Variants in VPS35L observed in about 807,000 individuals in gnomAD.
VPS35L encodes VPS35 endosomal protein sorting factor like.
A neutral mutation model predicts 133.0 loss-of-function variants in VPS35L; 83 were observed. That is an observed-to-expected ratio of 0.62 (90% CI 0.52 to 0.75). The LOEUF is 0.75. Among genes scored for constraint, VPS35L ranks in the 30% least tolerant of loss-of-function variants. The pLI is 0.00. For missense variants in VPS35L, 1,083 were observed against 1,206.8 expected, an observed-to-expected ratio of 0.90 and a Z score of 1.52; for synonymous variants, 423 against 449.9, an observed-to-expected ratio of 0.94 and a Z score of 0.76.
intron 7 of VPS35L, among the ~76,000 whole-genome samples, chr16:19,583,160 A>G (rs1971762239): frequency 6.6e-6 from 1 of 151,930 alleles, no homozygotes; most frequent in Admixed American, 6.6e-5. Context: ...TTTTTACTTA[A>G]CTTATAGAGT....
Position 19,633,494 on chromosome 16 carries a change from G to A in VPS35L, c.1635+322G>A, listed in dbSNP as rs139478753. On this transcript the variant is annotated intron_variant, in intron 19 of 30. Transcript: ENST00000417362. The surrounding 1 kb of genome is among the most constrained non-coding windows in gnomAD (Gnocchi z 4.1). The stretch of plus-strand genomic sequence containing the variant: ...GTTGTCACCAGTAAGTAAACTGCGA[G>A]TATTTTTAGTTAAATCAACTTTGTT... Among the ~76,000 whole-genome samples, 1,421 of 152,272 alleles carry A rather than the reference G, an allele frequency of 9.3e-3. 19 individuals carry two copies. Among genetic ancestry groups the A allele is most frequent in the South Asian group, 0.042 (205 of 4,830 alleles).
intron 29 of VPS35L, among the ~76,000 whole-genome samples, chr16:19,694,970 C>T (rs921443961): frequency 6.6e-6 from 1 of 151,052 alleles, no homozygotes; most frequent in Non-Finnish European, 1.5e-5. Flanking sequence ...CACGCCACTG[C>T]ACTCCAGCCT....
chr16:19,690,093 G>A (rs1412787113), intron 28 of VPS35L, among the ~76,000 whole-genome samples: 1 of 151,980 alleles, frequency 6.6e-6, no homozygotes, highest in Non-Finnish European at 1.5e-5. Context: ...TATTTGGAGA[G>A]ATGGGGTTTT....
At position 19,639,228 on chromosome 16, in the gene VPS35L, C is replaced by G. The variant is rs1217551302; in HGVS notation, c.1699-787C>G. Among the ~76,000 whole-genome samples, 1 of 152,214 alleles carries G rather than the reference C, an allele frequency of 6.6e-6. No individual in the cohort carries two copies. The highest frequency in any genetic ancestry group is 1.5e-5 in the Non-Finnish European group (1 of 68,034). On this transcript the variant is annotated intron_variant, in intron 20 of 30. Coordinates refer to ENST00000417362, the MANE Select transcript of VPS35L (RefSeq NM_020314.7). This position sits in a 1 kb window ranked among gnomAD's most constrained non-coding sequence, Gnocchi z 4.1. ...TAAGGGAGCAACTACCATATTCCCA[C>G]TTTACAGATGAGAAAACTGATGCAG...
chr16:19,613,686 C>G (rs991763893), intron 12 of VPS35L, among the ~76,000 whole-genome samples: 5 of 152,180 alleles, frequency 3.3e-5, no homozygotes, highest in African/African-American at 1.2e-4. Context: ...TGTTTGTCCA[C>G]CCCTAGACTA....
intron 22 of VPS35L, among the ~76,000 whole-genome samples, chr16:19,644,537 T>G (rs79593640): frequency 2.4e-3 from 367 of 152,298 alleles, no homozygotes; most frequent in Middle Eastern, 0.024. Context: ...CACACCCCGC[T>G]GGAGATTTTT....
intron 27 of VPS35L, among the ~76,000 whole-genome samples, chr16:19,677,829 T>C (rs751091153): frequency 2.6e-5 from 4 of 152,232 alleles, no homozygotes; most frequent in Non-Finnish European, 5.9e-5. Flanking sequence ...TGGAAGAACA[T>C]ACGAGCTCAC....
intron 26 of VPS35L, among the ~76,000 whole-genome samples, chr16:19,660,809 A>G (rs962361830): frequency 1.3e-5 from 2 of 152,160 alleles, no homozygotes; most frequent in Admixed American, 6.5e-5. Flanking sequence ...GACTTTCACT[A>G]TAAAAATTCA....
chr16:19,609,049 C>T (rs777007687), intron 11 of VPS35L, 28 bp downstream of exon 11: 40 of 1,598,564 alleles, frequency 2.5e-5, no homozygotes, highest in Non-Finnish European at 3.4e-5. Flanking sequence ...AATCTAGAAC[C>T]ATAAAATTTC....
intron 26 of VPS35L, among the ~76,000 whole-genome samples, chr16:19,660,186 G>C (rs1415548128): frequency 6.6e-6 from 1 of 151,998 alleles, no homozygotes. Context: ...TTAGCCGGGC[G>C]TGGTGGTGTG....
intron 1 of VPS35L, among the ~76,000 whole-genome samples, chr16:19,557,527 G>A (rs1403972116): frequency 1.3e-5 from 2 of 152,050 alleles, no homozygotes; most frequent in East Asian, 3.9e-4. Context: ...GGGATTACAG[G>A]CGATGCCACC....
chr16:19,583,973 T>C (rs1246010851), intron 7 of VPS35L, among the ~76,000 whole-genome samples: 1 of 152,228 alleles, frequency 6.6e-6, no homozygotes, highest in African/African-American at 2.4e-5. Context: ...GTATGTATCT[T>C]TCTGTGCCTA....
intron 8 of VPS35L, among the ~76,000 whole-genome samples, chr16:19,597,914 G>T (rs1972268311): frequency 6.6e-6 from 1 of 152,218 alleles, no homozygotes; most frequent in South Asian, 2.1e-4. Flanking sequence ...ATAGGGACAG[G>T]TGTTTCATGG....
intron 26 of VPS35L, 41 bp downstream of exon 26, chr16:19,652,131 C>G: frequency 7.3e-7 from 1 of 1,363,554 alleles, no homozygotes; most frequent in East Asian, 2.4e-5. Context: ...TCCCTTGCTG[C>G]TTAGGAAAAC....
In VPS35L at chr16:19,644,908, A is replaced by G; in HGVS notation, c.1888A>G (p.Lys630Glu). ...SVNALTLEDE[K>E]RMLSYLINGF... ...TAGTGCACTCACTCTTGAGGATGAG[A>G]AAAGAATGCTGTCATATTTGATTAA... Residue 630 changes from lysine (K) to glutamate (E), a missense_variant, in exon 23 of 31, where the codon AAA becomes GAA. Transcript: ENST00000417362. The G allele has an allele frequency of 6.2e-7, 1 of 1,601,670 alleles. No individual in the cohort carries two copies. Among genetic ancestry groups the G allele is most frequent in the South Asian group, 1.1e-5 (1 of 90,334 alleles).
intron 26 of VPS35L, among the ~76,000 whole-genome samples, chr16:19,662,049 A>T (rs199521989): frequency 3.9e-5 from 6 of 152,054 alleles, no homozygotes; most frequent in Non-Finnish European, 7.4e-5. Flanking sequence ...AAAAAAACTT[A>T]AAAAATCAGC....
At chr16:19,649,629 G>C (rs769904482) in intron 24 of VPS35L, among the ~76,000 whole-genome samples, 1 of 152,158 alleles carries the variant, frequency 6.6e-6, no homozygotes, top group Non-Finnish European at 1.5e-5. Context: ...TGGCGCCCCT[G>C]TGAGTTTGCT....
In VPS35L at chr16:19,557,431, G is replaced by T. The variant is rs1173702851; in HGVS notation, c.17+1685G>T. 3.3e-5 allele frequency among the ~76,000 whole-genome samples: 5 copies of T among 152,266 alleles called. No homozygotes were observed. The East Asian group carries it at 7.8e-4, about 24-fold the overall frequency. On this transcript the variant is annotated intron_variant, in intron 1 of 30. Transcript: ENST00000417362. ...TTTGTTGAGACGGAGTCTCGCCCAG[G>T]CTTGATTGCAGTGGCGTGATCTTGG...
intron 3 of VPS35L, among the ~76,000 whole-genome samples, chr16:19,570,361 C>T (rs749756232): frequency 6.6e-6 from 1 of 152,180 alleles, no homozygotes; most frequent in Non-Finnish European, 1.5e-5. Flanking sequence ...CTGCACCTGG[C>T]TCTTAAAATT....
Sources: gnomAD v4.1 joint callset for allele counts (sites outside exome capture counted in the v4.1 genomes callset) on GRCh38, gnomAD v4.1.1 for gene constraint, Gnocchi (gnomAD v3.1) non-coding constraint, MANE v1.5 for transcripts, NCBI Gene and HGNC (gene_info 2026-07-23, HGNC 2026-07-21) for gene names.